Variants in CRYBG1 observed in about 807,000 individuals in gnomAD.
The protein encoded by CRYBG1 is crystallin beta-gamma domain containing 1, also known as beta/gamma crystallin domain-containing protein 1.
A neutral mutation model predicts 189.2 loss-of-function variants in CRYBG1; 139 were observed. The observed-to-expected ratio is 0.73, with a 90% CI of 0.64 to 0.85. The LOEUF (loss-of-function observed/expected upper bound fraction) is 0.85. Among genes scored for constraint, CRYBG1 ranks in the 40% least tolerant of loss-of-function variants. The pLI, the probability that CRYBG1 is intolerant of heterozygous loss-of-function variation, is 0.00. For synonymous variants in CRYBG1, 1,023 were observed against 1,017.1 expected (o/e 1.01, Z -0.11); for missense variants, 2,611 against 2,675.8 (o/e 0.98, Z 0.53).
intron 2 of CRYBG1, among the ~76,000 whole-genome samples, chr6:106,495,858 T>G (rs545031250): frequency 1.2e-3 from 178 of 148,210 alleles, no homozygotes; most frequent in African/African-American, 4.2e-3. Context: ...CCCTGCCCCC[T>G]TTTCAAATTT....
intron 13 of CRYBG1, among the ~76,000 whole-genome samples, chr6:106,548,908 A>T (rs1300817311): frequency 2.8e-5 from 2 of 72,214 alleles, no homozygotes; most frequent in East Asian, 5.1e-4. Context: ...CCCACCCCAC[A>T]ACAGTCCCCG....
chr6:106,445,100 A>AACC (rs1348298624), intron 1 of CRYBG1, among the ~76,000 whole-genome samples: 1 of 152,230 alleles, frequency 6.6e-6, no homozygotes. Flanking sequence ...ATTCTTGTGC[A>AACC]ACCACTAGAT....
intron 6 of CRYBG1, among the ~76,000 whole-genome samples, chr6:106,526,464 A>G (rs1302853858): frequency 1.3e-5 from 2 of 152,146 alleles, no homozygotes; most frequent in Non-Finnish European, 2.9e-5. Flanking sequence ...TCTTGAAAGC[A>G]TAAGCATTTA....
intron 2 of CRYBG1, among the ~76,000 whole-genome samples, chr6:106,468,920 G>A (rs1277012659): frequency 6.6e-6 from 1 of 152,116 alleles, no homozygotes; most frequent in East Asian, 1.9e-4. Context: ...TTTGTACACA[G>A]ATCAGCCATC....
chr6:106,521,777 G>A (rs1262841852), intron 4 of CRYBG1, among the ~76,000 whole-genome samples: 1 of 136,770 alleles, frequency 7.3e-6, no homozygotes, highest in Admixed American at 8.1e-5. Flanking sequence ...GGAGTGCAGT[G>A]GTGCAATCTC....
intron 3 of CRYBG1, among the ~76,000 whole-genome samples, chr6:106,517,182 TG>T (rs1344361582): frequency 6.6e-6 from 1 of 150,950 alleles, no homozygotes; most frequent in Non-Finnish European, 1.5e-5. Flanking sequence ...CTAATTTTTT[TG>T]TTTGTTTTGT....
At chr6:106,476,261 G>T (rs1332993164) in intron 2 of CRYBG1, among the ~76,000 whole-genome samples, 1 of 152,188 alleles carries the variant, frequency 6.6e-6, no homozygotes, top group East Asian at 1.9e-4. Flanking sequence ...CACGGGTGGG[G>T]TGAGCAGCAT....
At chr6:106,559,961 G>A (rs2114596505) in intron 18 of CRYBG1, among the ~76,000 whole-genome samples, 1 of 151,932 alleles carries the variant, frequency 6.6e-6, no homozygotes, top group African/African-American at 2.4e-5. Context: ...CGGGTGTGGT[G>A]GTGCACGCCT....
intron 2 of CRYBG1, 97 bp from the exon 3 acceptor site, chr6:106,511,328 CTCTGG>C (rs1773252750): frequency 9.7e-7 from 1 of 1,026,744 alleles, no homozygotes; most frequent in East Asian, 2.7e-5. Context: ...CAATTAGAAA[CTCTGG>C]TCTGTTATCA....
At chr6:106,442,335 G>A (rs946301958) in intron 1 of CRYBG1, among the ~76,000 whole-genome samples, 3 of 152,056 alleles carry the variant, frequency 2.0e-5, no homozygotes, top group Admixed American at 6.5e-5. Flanking sequence ...GACGAGTTTC[G>A]TGCCAGGTTG....
chr6:106,522,317 T>C (rs746233489), intron 4 of CRYBG1, among the ~76,000 whole-genome samples: 71 of 152,166 alleles, frequency 4.7e-4, no homozygotes, highest in Non-Finnish European at 5.7e-4. Context: ...CAGTATTTTG[T>C]CTTTATTGGG....
intron 1 of CRYBG1, among the ~76,000 whole-genome samples, chr6:106,439,380 T>G (rs1771528233): frequency 6.6e-6 from 1 of 152,224 alleles, no homozygotes; most frequent in Non-Finnish European, 1.5e-5. Context: ...GTTTCCTTTT[T>G]GAATTATTGT....
At chr6:106,376,937 T>C (rs1770175758) in intron 1 of CRYBG1, among the ~76,000 whole-genome samples, 2 of 152,114 alleles carry the variant, frequency 1.3e-5, no homozygotes, top group Admixed American at 1.3e-4. Context: ...AAAAATGGCA[T>C]AGACTAAATT....
chr6:106,512,010 G>A lies in CRYBG1; in HGVS notation c.893G>A (p.Gly298Glu), dbSNP rs1773273952. The A allele has an allele frequency of 6.5e-7, 1 of 1,530,194 alleles. No individual in the cohort carries two copies. Among genetic ancestry groups the A allele is most frequent in the African/African-American group, 1.4e-5 (1 of 72,898 alleles). The allele number at this position is 1,530,194 out of a possible 1,614,324, so 94.8% of individuals were successfully genotyped here. Reference protein sequence around the residue: ...EAFLGVRGAPGSPTQERPAGG... With the variant: ...EAFLGVRGAPESPTQERPAGG... Reference sequence around the variant, plus strand: ...TTCCTGGGTGTGAGGGGTGCGCCAGGGTCGCCCACCCAGGAGCGGCCCGCG... The same window carrying A: ...TTCCTGGGTGTGAGGGGTGCGCCAGAGTCGCCCACCCAGGAGCGGCCCGCG... Residue 298 changes from glycine (G) to glutamate (E), a missense_variant, in exon 3 of 22, where the codon GGG (glycine) becomes GAG (glutamate). Physicochemically the swap from Gly to Glu is moderately conservative, Grantham distance 98. Around this residue, in one of 3 missense-constraint regions of CRYBG1, gnomAD observed 985 missense variants for 924.4 expected, o/e 1.07. Coordinates refer to ENST00000633556, the MANE Select transcript of CRYBG1 (RefSeq NM_001371242.2).
At position 106,512,917 on chromosome 6, in the gene CRYBG1, G is replaced by C; in HGVS notation, c.1800G>C (p.Glu600Asp). The C allele has an allele frequency of 1.2e-6, 2 of 1,607,428 alleles. No homozygotes were observed. The highest frequency in any genetic ancestry group is 1.7e-6 in the Non-Finnish European group (2 of 1,177,238). ...CCAACCACTTCAACGGCCGGGCAGAGGGAGGTCGAAGCAGAGAGCTGGGCA... is the reference window on the plus strand; with the variant it reads ...CCAACCACTTCAACGGCCGGGCAGACGGAGGTCGAAGCAGAGAGCTGGGCA... ...PLPNHFNGRA[E>D]GGRSRELGRA... The change falls in exon 3 of 22, where the codon GAG (glutamate) becomes GAC (aspartate). Residue 600 changes from glutamate to aspartate, a missense_variant. Transcript: ENST00000633556.
chr6:106,541,505 T>A, intron 9 of CRYBG1, 81 bp from the exon 10 acceptor site: 1 of 1,323,542 alleles, frequency 7.6e-7, no homozygotes, highest in Non-Finnish European at 1.1e-6. Flanking sequence ...ATTCAATGTT[T>A]TACTGTAAAC....
intron 1 of CRYBG1, among the ~76,000 whole-genome samples, chr6:106,385,311 ATAT>A (rs1340877972): frequency 6.6e-6 from 1 of 152,174 alleles, no homozygotes; most frequent in Non-Finnish European, 1.5e-5. Flanking sequence ...GTGGTTGATA[ATAT>A]TAATCACATC....
intron 8 of CRYBG1, among the ~76,000 whole-genome samples, chr6:106,530,916 A>G (rs1327617179): frequency 6.6e-6 from 1 of 152,252 alleles, no homozygotes; most frequent in Non-Finnish European, 1.5e-5. Flanking sequence ...AGATGCAGGA[A>G]AAAACACTAA....
At position 106,360,762 on chromosome 6, in the gene CRYBG1, C is replaced by T; in HGVS notation, c.-147C>T. The T allele has an allele frequency of 2.2e-6, 2 of 928,802 alleles. No homozygotes were observed. Among genetic ancestry groups the T allele is most frequent in the Non-Finnish European group, 3.1e-6 (2 of 654,960 alleles). The allele number at this position is 928,802 out of a possible 1,614,324, so 57.5% of individuals were successfully genotyped here. A position where few individuals can be genotyped will look rare whatever the true frequency, so the allele number is the denominator to read the frequency against. Reference sequence around the variant, plus strand: ...GGGTGCTGGTTCTGCAACCCGCGGCCGTCCCCCCGCATCCGCGACGAGGGG... The same window carrying T: ...GGGTGCTGGTTCTGCAACCCGCGGCTGTCCCCCCGCATCCGCGACGAGGGG... On this transcript the variant is annotated 5_prime_UTR_variant, in exon 1 of 22. Coordinates refer to ENST00000633556, the MANE Select transcript of CRYBG1 (RefSeq NM_001371242.2).
Sources: gnomAD v4.1 joint callset for allele counts (sites outside exome capture counted in the v4.1 genomes callset) on GRCh38, gnomAD v4.1.1 for gene constraint, gnomAD v4.1.1 regional missense constraint, MANE v1.5 for transcripts, NCBI Gene and HGNC (gene_info 2026-07-23, HGNC 2026-07-21) for gene names.